The following LPP variants were observed in gnomAD, a reference collection of about 807,000 sequenced individuals.
The protein encoded by LPP is LIM domain containing preferred translocation partner in lipoma, also known as lipoma-preferred partner.
LPP carries 38 observed loss-of-function variants against 60.4 expected under a neutral mutation model. The observed-to-expected ratio is 0.63, with a 90% CI of 0.49 to 0.83. The LOEUF (loss-of-function observed/expected upper bound fraction) is 0.83, where lower values mean the gene tolerates loss of function less well. Among genes scored for constraint, LPP ranks in the 40% least tolerant of loss-of-function variants. LPP has a pLI of 0.00. For missense variants in LPP, 902 were observed against 783.6 expected (o/e 1.15, Z -1.80); for synonymous variants, 328 against 290.8 (o/e 1.13, Z -1.30).
At chr3:188,228,914 T>C (rs1718831882) in intron 2 of LPP, among the ~76,000 whole-genome samples, 1 of 152,206 alleles carries the variant, frequency 6.6e-6, no homozygotes, top group Non-Finnish European at 1.5e-5. Flanking sequence ...TGATACATTA[T>C]TACAGTTGTC....
At chr3:188,276,695 T>TTC (rs768545804) in intron 2 of LPP, among the ~76,000 whole-genome samples, 1,430 of 16,330 alleles carry the variant, frequency 0.088, 22 homozygotes, top group Middle Eastern at 0.15. Context: ...CTCTCTCTCT[T>TTC]TCTCTCTCTC....
In LPP at chr3:188,708,484, A is replaced by G. The variant is rs781590832; in HGVS notation, c.1240+91A>G. ...GGAACTATTATCAGCTCCACTGGTA[A>G]AGTATTTGAGTCCAGATGCATGAGA... On this transcript the variant is annotated intron_variant, in intron 8 of 11. Coordinates refer to ENST00000617246, the MANE Select transcript of LPP (RefSeq NM_001375462.1). 4.5e-6 allele frequency: 7 copies of G among 1,559,340 alleles called. No homozygotes were observed. In the South Asian group the frequency reaches 7.8e-5, roughly 17 times the overall value.
chr3:188,739,605 A>G (rs561520326), intron 8 of LPP, among the ~76,000 whole-genome samples: 1 of 152,182 alleles, frequency 6.6e-6, no homozygotes, highest in South Asian at 2.1e-4. Flanking sequence ...AGGGAAAAGG[A>G]GGAGGGGTTA....
chr3:188,458,909 T>C (rs1382607371), intron 4 of LPP, among the ~76,000 whole-genome samples: 1 of 151,860 alleles, frequency 6.6e-6, no homozygotes, highest in East Asian at 1.9e-4. Context: ...GTTTGGGGCA[T>C]GATGTAGGAA....
chr3:188,574,733 C>T (rs78962528), intron 6 of LPP, among the ~76,000 whole-genome samples: 1 of 151,982 alleles, frequency 6.6e-6, no homozygotes, highest in East Asian at 1.9e-4. Context: ...GTTGTGGGGG[C>T]TAAGGGGGGT....
At chr3:188,688,919 C>A in intron 7 of LPP, 1 of 507,566 alleles carries the variant, frequency 2.0e-6, no homozygotes, top group Non-Finnish European at 3.9e-6. Context: ...AGATTACAAT[C>A]CCGCCTCTAT....
chr3:188,179,263 CT>C (rs1345348498), intron 1 of LPP: 1 of 458,130 alleles, frequency 2.2e-6, no homozygotes, highest in African/African-American at 2.0e-5. Flanking sequence ...GCATTGCCCC[CT>C]GTCTTCGCAG....
At chr3:188,487,354 T>C (rs1418367922) in intron 5 of LPP, among the ~76,000 whole-genome samples, 1 of 152,196 alleles carries the variant, frequency 6.6e-6, no homozygotes, top group Non-Finnish European at 1.5e-5. Flanking sequence ...ATTAAAAAAT[T>C]CAACCATGGG....
intron 4 of LPP, among the ~76,000 whole-genome samples, chr3:188,439,171 C>T (rs900533329): frequency 1.2e-4 from 18 of 152,144 alleles, no homozygotes; most frequent in African/African-American, 4.3e-4. Flanking sequence ...AGTCACCAGC[C>T]ACCTTTTCTA....
At chr3:188,431,081 T>G (rs1296677027) in intron 4 of LPP, among the ~76,000 whole-genome samples, 1 of 152,164 alleles carries the variant, frequency 6.6e-6, no homozygotes. Flanking sequence ...TTCTCTATAT[T>G]GAATATGATT....
intron 9 of LPP, among the ~76,000 whole-genome samples, chr3:188,799,344 A>G (rs1421415221): frequency 6.6e-6 from 1 of 152,208 alleles, no homozygotes. Flanking sequence ...GTACAAAACC[A>G]CTTAAGATTT....
chr3:188,418,332 T>A (rs1786888365), intron 4 of LPP, among the ~76,000 whole-genome samples: 1 of 152,162 alleles, frequency 6.6e-6, no homozygotes, highest in Non-Finnish European at 1.5e-5. Flanking sequence ...TCTTAACTAT[T>A]TGAAAAATAT....
At chr3:188,207,640 A>T (rs1274027496) in intron 1 of LPP, among the ~76,000 whole-genome samples, 8 of 124,314 alleles carry the variant, frequency 6.4e-5, no homozygotes, top group Admixed American at 1.6e-4. Flanking sequence ...TTTTTTTTTT[A>T]AAGATGGGAA....
At position 188,886,407 on chromosome 3, in the gene LPP, C is replaced by T. The variant is rs1184648331; in HGVS notation, c.*11928C>T. 1 of 182,210 alleles carries T rather than the reference C, an allele frequency of 5.5e-6. No individual in the cohort carries two copies. Among genetic ancestry groups the T allele is most frequent in the Non-Finnish European group, 1.1e-5 (1 of 88,154 alleles). 11.3% of individuals were successfully genotyped at this position (182,210 alleles called of 1,614,324 possible). A position where few individuals can be genotyped will look rare whatever the true frequency, so the allele number is the denominator to read the frequency against. On this transcript the variant is annotated 3_prime_UTR_variant, in exon 12 of 12. Coordinates refer to ENST00000617246, the MANE Select transcript of LPP (RefSeq NM_001375462.1). ...TGGAAAATGATTCTTGTCGAATAGACAGAGTATTCCCACCCCAGGAATGGA... is the reference window on the plus strand; with the variant it reads ...TGGAAAATGATTCTTGTCGAATAGATAGAGTATTCCCACCCCAGGAATGGA...
intron 1 of LPP, among the ~76,000 whole-genome samples, chr3:188,201,356 T>C (rs1459082866): frequency 1.3e-5 from 2 of 152,150 alleles, no homozygotes; most frequent in Non-Finnish European, 2.9e-5. Flanking sequence ...TTTTATATAG[T>C]CTGTGATCCG....
intron 9 of LPP, among the ~76,000 whole-genome samples, chr3:188,834,638 C>T (rs1270227226): frequency 6.6e-6 from 1 of 152,122 alleles, no homozygotes; most frequent in Non-Finnish European, 1.5e-5. Flanking sequence ...TACAGATAAC[C>T]TTTTTGTCTT....
intron 7 of LPP, among the ~76,000 whole-genome samples, chr3:188,701,705 G>A (rs2149594169): frequency 6.6e-6 from 1 of 151,818 alleles, no homozygotes; most frequent in Admixed American, 6.6e-5. Context: ...CCTTTTTAAA[G>A]CATATTAGCC....
intron 2 of LPP, among the ~76,000 whole-genome samples, chr3:188,294,083 A>AG (rs1747006013): frequency 7.0e-6 from 1 of 142,510 alleles, no homozygotes. Context: ...AAAAAAAAAA[A>AG]GCCAGTTATG....
intron 2 of LPP, among the ~76,000 whole-genome samples, chr3:188,266,746 A>G (rs534916586): frequency 6.6e-6 from 1 of 152,154 alleles, no homozygotes; most frequent in Non-Finnish European, 1.5e-5. Flanking sequence ...AGTTATTGCC[A>G]TGCGGGTGGC....
Sources: allele counts gnomAD v4.1 joint callset (sites outside exome capture counted in the v4.1 genomes callset), GRCh38; gene constraint gnomAD v4.1.1; transcripts MANE v1.5; gene names NCBI Gene and HGNC (gene_info 2026-07-23, HGNC 2026-07-21).